Variants in KLHL1 observed in about 807,000 individuals in gnomAD.
KLHL1 encodes the protein kelch-like protein 1.
A neutral mutation model predicts 77.7 loss-of-function variants in KLHL1; 47 were observed. The observed-to-expected ratio is 0.60, with a 90% CI of 0.48 to 0.77. The LOEUF (loss-of-function observed/expected upper bound fraction) is 0.77. KLHL1 is among the 30% of genes least tolerant of loss of function. The pLI, the probability that KLHL1 is intolerant of heterozygous loss-of-function variation, is 0.00. For missense variants in KLHL1, 925 were observed against 910.8 expected (o/e 1.02, Z -0.20); for synonymous variants, 360 against 325.2 (o/e 1.11, Z -1.15).
At chr13:69,884,059 G>C (rs1404110198) in intron 4 of KLHL1, among the ~76,000 whole-genome samples, 1 of 152,148 alleles carries the variant, frequency 6.6e-6, no homozygotes, top group Non-Finnish European at 1.5e-5. Context: ...AGAGGATTCA[G>C]CAAGTGACCA....
intron 7 of KLHL1, among the ~76,000 whole-genome samples, chr13:69,776,503 A>G (rs1233558262): frequency 6.6e-6 from 1 of 152,202 alleles, no homozygotes; most frequent in Non-Finnish European, 1.5e-5. Flanking sequence ...GGTACCCTCT[A>G]GGTTTTAATA....
intron 8 of KLHL1, among the ~76,000 whole-genome samples, chr13:69,724,373 TTGAC>T (rs1375865908): frequency 1.3e-5 from 2 of 152,098 alleles, no homozygotes; most frequent in Non-Finnish European, 2.9e-5. Context: ...ACTTTCTAAA[TTGAC>T]TGACACCTGT....
chr13:69,781,220 A>T (rs1310560768), intron 7 of KLHL1, among the ~76,000 whole-genome samples: 2 of 151,966 alleles, frequency 1.3e-5, no homozygotes, highest in Non-Finnish European at 2.9e-5. Context: ...CTTTCCTGAA[A>T]AGGAAAGGAG....
intron 9 of KLHL1, among the ~76,000 whole-genome samples, chr13:69,718,386 G>A (rs1872871678): frequency 6.7e-6 from 1 of 148,726 alleles, no homozygotes; most frequent in Non-Finnish European, 1.5e-5. Flanking sequence ...TTTTGACATA[G>A]AGACCAGCAA....
chr13:69,716,764 CTCTT>C (rs1872773984), intron 9 of KLHL1, among the ~76,000 whole-genome samples: 1 of 152,094 alleles, frequency 6.6e-6, no homozygotes, highest in Non-Finnish European at 1.5e-5. Flanking sequence ...ATTTATTTGT[CTCTT>C]TCTTCTAATA....
chr13:69,969,440 T>A (rs1884315328), intron 2 of KLHL1, among the ~76,000 whole-genome samples: 1 of 152,020 alleles, frequency 6.6e-6, no homozygotes, highest in Non-Finnish European at 1.5e-5. Context: ...AGATGGTGAG[T>A]TTTATCAAAA....
intron 1 of KLHL1, among the ~76,000 whole-genome samples, chr13:69,987,987 A>G (rs575211102): frequency 6.6e-6 from 1 of 151,882 alleles, no homozygotes; most frequent in African/African-American, 2.4e-5. Context: ...GTTCAGTGGT[A>G]CATGTTCAGG....
At chr13:70,026,280 C>T (rs1477200140) in intron 1 of KLHL1, among the ~76,000 whole-genome samples, 2 of 151,562 alleles carry the variant, frequency 1.3e-5, no homozygotes, top group Admixed American at 1.3e-4. Context: ...TAAAAAAGGC[C>T]CTGGATGATA....
At chr13:69,975,468 A>T (rs935744796) in intron 2 of KLHL1, 152 bp downstream of exon 2, 4 of 650,362 alleles carry the variant, frequency 6.2e-6, no homozygotes, top group Non-Finnish European at 9.9e-6. Flanking sequence ...AATAAAAACA[A>T]GTATAAACAA....
At chr13:69,981,477 A>C (rs901018634) in intron 1 of KLHL1, among the ~76,000 whole-genome samples, 3 of 152,056 alleles carry the variant, frequency 2.0e-5, no homozygotes, top group African/African-American at 7.2e-5. Flanking sequence ...AATCACTCTT[A>C]CATACATAGA....
intron 7 of KLHL1, among the ~76,000 whole-genome samples, chr13:69,787,591 T>C (rs891007590): frequency 6.6e-6 from 1 of 152,168 alleles, no homozygotes. Flanking sequence ...ATTCAGGACA[T>C]AGGCATGGGC....
At chr13:69,894,465 A>C (rs767886214) in intron 4 of KLHL1, 1 of 167,796 alleles carries the variant, frequency 6.0e-6, no homozygotes, top group Non-Finnish European at 1.3e-5. Flanking sequence ...CAGTTCCAAC[A>C]TTATTGGCTG....
intron 3 of KLHL1, among the ~76,000 whole-genome samples, chr13:69,943,064 C>A (rs1392989531): frequency 6.6e-6 from 1 of 151,826 alleles, no homozygotes; most frequent in African/African-American, 2.4e-5. Context: ...ATATTATTTC[C>A]CCTTTATTAG....
intron 2 of KLHL1, among the ~76,000 whole-genome samples, chr13:69,969,892 T>C (rs1254309529): frequency 1.3e-5 from 2 of 151,860 alleles, no homozygotes; most frequent in Non-Finnish European, 1.5e-5. Flanking sequence ...CTAGAAAATC[T>C]CTTATTGAGG....
rs188247174 is a variant in KLHL1, at chr13:70,038,669, T to C, written c.498-62867A>G. On this transcript the variant is annotated intron_variant, in intron 1 of 10. Coordinates refer to ENST00000377844, the MANE Select transcript of KLHL1 (RefSeq NM_020866.3). ...GCAATGATGCGATCTCAGCTCACTG[T>C]AACCTCTGCCTCCCGGGTACAAGTG... Among the ~76,000 whole-genome samples the C allele has an allele frequency of 1.8e-3, 249 of 140,496 alleles. 1 individual carries two copies. The highest frequency in any genetic ancestry group is 6.2e-3 in the African/African-American group (243 of 39,260). The allele number at this position is 140,496 out of a possible 152,430, so 92.2% of individuals were successfully genotyped here. A position where few individuals can be genotyped will look rare whatever the true frequency, so the allele number is the denominator to read the frequency against.
chr13:70,050,016 A>G, intron 1 of KLHL1, among the ~76,000 whole-genome samples: 1 of 152,004 alleles, frequency 6.6e-6, no homozygotes, highest in South Asian at 2.1e-4. Context: ...TAATAATGTA[A>G]AATACAGAAT....
chr13:69,714,642 G>A (rs1304209920), intron 9 of KLHL1, among the ~76,000 whole-genome samples: 1 of 151,506 alleles, frequency 6.6e-6, no homozygotes, highest in African/African-American at 2.4e-5. Context: ...TGCCCAGGCT[G>A]GAGTGCAGTG....
chr13:69,759,600 T>A (rs1391966318), intron 7 of KLHL1, among the ~76,000 whole-genome samples: 14 of 152,204 alleles, frequency 9.2e-5, no homozygotes, highest in Admixed American at 3.9e-4. Flanking sequence ...TCATTAAGAT[T>A]TTTTATTTGC....
chr13:69,740,092 G>A (rs1873921821), intron 8 of KLHL1, among the ~76,000 whole-genome samples: 2 of 152,150 alleles, frequency 1.3e-5, no homozygotes, highest in Admixed American at 1.3e-4. Context: ...TGTAAAGAAA[G>A]ATATATTGAA....
Sources: gnomAD v4.1 joint callset for allele counts (sites outside exome capture counted in the v4.1 genomes callset) on GRCh38, gnomAD v4.1.1 for gene constraint, MANE v1.5 for transcripts, NCBI Gene and HGNC (gene_info 2026-07-23, HGNC 2026-07-21) for gene names.